DAB1: variants seen among roughly 807,000 people sequenced by gnomAD.
DAB1 encodes the protein disabled homolog 1.
Under a neutral mutation model 64.6 loss-of-function variants are expected in DAB1, and 15 were observed. The ratio of observed to expected loss-of-function variants is 0.23; its 90% CI spans 0.16 to 0.36. The LOEUF (loss-of-function observed/expected upper bound fraction) is 0.36. Ranked by LOEUF, DAB1 falls within the 10% of genes least tolerant of loss-of-function variation. DAB1 has a pLI of 1.00. For synonymous variants in DAB1, 235 were observed against 251.9 expected (o/e 0.93, Z 0.64); for missense variants, 596 against 706.7 (o/e 0.84, Z 1.78).
intron 5 of DAB1, among the ~76,000 whole-genome samples, chr1:58,063,309 G>GA (rs1310025021): frequency 4.0e-5 from 6 of 151,828 alleles, no homozygotes; most frequent in Admixed American, 3.3e-4. Context: ...CGTGACGCAA[G>GA]AAAAAAAATG....
chr1:57,207,020 G>C (rs534458370), intron 2 of DAB1, among the ~76,000 whole-genome samples: 2 of 135,656 alleles, frequency 1.5e-5, no homozygotes, highest in East Asian at 2.2e-4. Flanking sequence ...CCAGGCTGGA[G>C]TGTAATGGCG....
chr1:57,504,695 C>T (rs1644325049), intron 7 of DAB1, among the ~76,000 whole-genome samples: 1 of 152,068 alleles, frequency 6.6e-6, no homozygotes, highest in African/African-American at 2.4e-5. Flanking sequence ...CAAAATTGTA[C>T]CATATGGAAA....
chr1:57,704,347 C>T (rs1377941016), intron 6 of DAB1, among the ~76,000 whole-genome samples: 1 of 152,186 alleles, frequency 6.6e-6, no homozygotes, highest in African/African-American at 2.4e-5. Flanking sequence ...CAATGCCTCT[C>T]ATATTACTCC....
intron 1 of DAB1, among the ~76,000 whole-genome samples, chr1:58,545,077 C>T (rs1023770206): frequency 6.6e-6 from 1 of 152,110 alleles, no homozygotes; most frequent in Non-Finnish European, 1.5e-5. Context: ...CTTCATATGG[C>T]GAACCAGGCC....
chr1:58,205,150 C>G (rs1441438850), intron 4 of DAB1, among the ~76,000 whole-genome samples: 2 of 152,186 alleles, frequency 1.3e-5, no homozygotes, highest in Non-Finnish European at 2.9e-5. Flanking sequence ...GCTCTACAGC[C>G]AAGCAGCACA....
intron 7 of DAB1, among the ~76,000 whole-genome samples, chr1:57,470,705 G>A (rs1047188176): frequency 2.6e-5 from 4 of 152,166 alleles, no homozygotes; most frequent in African/African-American, 9.6e-5. Context: ...TGAGGTAAAA[G>A]AGTGAAAACT....
upstream of DAB1, among the ~76,000 whole-genome samples, chr1:57,425,276 C>G (rs1685238962): frequency 6.6e-6 from 1 of 152,134 alleles, no homozygotes; most frequent in African/African-American, 2.4e-5. Flanking sequence ...TACCGTTACT[C>G]TTTTTGGGGC....
chr1:57,348,820 G>A (rs536286337), intron 1 of DAB1, among the ~76,000 whole-genome samples: 73 of 152,162 alleles, frequency 4.8e-4, no homozygotes, highest in Non-Finnish European at 6.8e-4. Context: ...CCCTCTACAC[G>A]TGGTTTTGGT....
intron 6 of DAB1, among the ~76,000 whole-genome samples, chr1:57,652,554 T>C (rs566548743): frequency 3.9e-4 from 59 of 152,328 alleles, no homozygotes; most frequent in Non-Finnish European, 4.3e-4. Flanking sequence ...AATGTAATCA[T>C]TGGGTGGTTA....
At chr1:57,255,016 T>C (rs1411832458) in intron 2 of DAB1, among the ~76,000 whole-genome samples, 1 of 152,164 alleles carries the variant, frequency 6.6e-6, no homozygotes, top group African/African-American at 2.4e-5. Flanking sequence ...TTTTTTCTTT[T>C]TAGTGTTGAA....
chr1:57,198,221 C>T (rs934942497), intron 2 of DAB1, among the ~76,000 whole-genome samples: 3 of 152,158 alleles, frequency 2.0e-5, no homozygotes, highest in African/African-American at 7.2e-5. Context: ...TCCCTCCCTC[C>T]CTTCCTAGTG....
At chr1:57,902,311 T>C (rs920890048) in intron 5 of DAB1, among the ~76,000 whole-genome samples, 11 of 152,302 alleles carry the variant, frequency 7.2e-5, no homozygotes, top group Middle Eastern at 3.4e-3. Flanking sequence ...TATATATTTT[T>C]TTCTGAAACT....
intron 5 of DAB1, among the ~76,000 whole-genome samples, chr1:57,986,109 T>C (rs1318717212): frequency 2.6e-5 from 4 of 152,148 alleles, no homozygotes; most frequent in East Asian, 3.9e-4. Context: ...CCAAGCTATC[T>C]TGTAATTGTT....
At chr1:58,000,740 C>G (rs748123394) in intron 5 of DAB1, among the ~76,000 whole-genome samples, 1 of 151,468 alleles carries the variant, frequency 6.6e-6, no homozygotes, top group Non-Finnish European at 1.5e-5. Flanking sequence ...CCAGCTAATC[C>G]TTGTATTTTT....
chr1:58,382,881 C>G (rs1002602346), intron 3 of DAB1, among the ~76,000 whole-genome samples: 1 of 152,174 alleles, frequency 6.6e-6, no homozygotes, highest in African/African-American at 2.4e-5. Flanking sequence ...TTACCCAGCT[C>G]TGTCACATGT....
At chr1:57,851,040 A>T (rs1300898161) in intron 1 of DAB1, among the ~76,000 whole-genome samples, 1 of 152,190 alleles carries the variant, frequency 6.6e-6, no homozygotes, top group Non-Finnish European at 1.5e-5. Flanking sequence ...AATTAATTTC[A>T]GGTTGCCATC....
At chr1:57,329,471 C>A (rs1676459929) in intron 1 of DAB1, among the ~76,000 whole-genome samples, 1 of 151,998 alleles carries the variant, frequency 6.6e-6, no homozygotes, top group African/African-American at 2.4e-5. Context: ...CCAGTGTTGC[C>A]TTTCCGGTTT....
chr1:57,290,820 T>G, intron 2 of DAB1, 144 bp downstream of exon 2: 1 of 532,534 alleles, frequency 1.9e-6, no homozygotes, highest in South Asian at 3.4e-5. Flanking sequence ...ATTACATTAT[T>G]ATATTATTAA....
intron 6 of DAB1, among the ~76,000 whole-genome samples, chr1:57,713,872 C>T (rs1475567394): frequency 1.3e-5 from 2 of 151,970 alleles, no homozygotes; most frequent in Non-Finnish European, 2.9e-5. Flanking sequence ...GACATAAAAA[C>T]TACATTACAT....
Sources: gnomAD v4.1 joint callset for allele counts (sites outside exome capture counted in the v4.1 genomes callset) on GRCh38, gnomAD v4.1.1 for gene constraint, MANE v1.5 for transcripts, NCBI Gene and HGNC (gene_info 2026-07-23, HGNC 2026-07-21) for gene names.